The following TANC1 variants were observed in gnomAD, a reference collection of about 807,000 sequenced individuals.
The protein encoded by TANC1 is tetratricopeptide repeat, ankyrin repeat and coiled-coil containing 1.
In TANC1, 77 loss-of-function variants were observed where a neutral mutation model predicts 149.7. The ratio of observed to expected loss-of-function variants is 0.51; its 90% CI spans 0.43 to 0.62. The LOEUF (loss-of-function observed/expected upper bound fraction) is 0.62. TANC1 is among the 20% of genes least tolerant of loss of function. The probability of loss-of-function intolerance (pLI) is 0.00; values close to 1 mark genes in which losing one functional copy is unlikely to be tolerated. For missense variants in TANC1, 1,985 were observed against 2,321.8 expected (o/e 0.85, Z 2.98); for synonymous variants, 854 against 925.0 (o/e 0.92, Z 1.39).
chr2:159,176,613 G>C (rs1437790675), intron 13 of TANC1, 95 bp downstream of exon 13: 1 of 965,674 alleles, frequency 1.0e-6, no homozygotes, highest in Non-Finnish European at 1.5e-6. Flanking sequence ...CCATTCAGCT[G>C]CTTGAATTGG....
At chr2:159,031,761 T>C (rs1188713043) in intron 2 of TANC1, among the ~76,000 whole-genome samples, 3 of 152,180 alleles carry the variant, frequency 2.0e-5, no homozygotes, top group Admixed American at 6.5e-5. Flanking sequence ...ATTAAAGATA[T>C]GTGAGGTGAG....
intron 3 of TANC1, among the ~76,000 whole-genome samples, chr2:159,087,469 T>G (rs1459647212): frequency 0.052 from 66 of 1,258 alleles, no homozygotes; most frequent in Non-Finnish European, 0.22. Context: ...GTTTTTCCGT[T>G]TTTTTTTTTT....
intron 3 of TANC1, among the ~76,000 whole-genome samples, chr2:159,080,556 A>G (rs2044165564): frequency 6.6e-6 from 1 of 152,194 alleles, no homozygotes; most frequent in Admixed American, 6.5e-5. Flanking sequence ...TATACCTGGT[A>G]TATTTCCTAT....
At chr2:159,035,330 AATAAGT>A (rs2040101272) in intron 2 of TANC1, among the ~76,000 whole-genome samples, 1 of 152,212 alleles carries the variant, frequency 6.6e-6, no homozygotes, top group African/African-American at 2.4e-5. Context: ...AAATTCCCAC[AATAAGT>A]ATATTTTGTC....
chr2:159,038,184 GATTTTTGCCC>G (rs1292312694), intron 2 of TANC1, among the ~76,000 whole-genome samples: 3 of 152,140 alleles, frequency 2.0e-5, no homozygotes, highest in African/African-American at 7.2e-5. Flanking sequence ...GAATGCTTGT[GATTTTTGCCC>G]ATTGATTTTG....
chr2:159,000,603 G>C (rs2036537778), intron 1 of TANC1, among the ~76,000 whole-genome samples: 1 of 152,024 alleles, frequency 6.6e-6, no homozygotes, highest in African/African-American at 2.4e-5. Context: ...CTAAAGAGGA[G>C]GGTTGCAGAA....
chr2:159,155,217 T>C (rs2053293477), intron 7 of TANC1, among the ~76,000 whole-genome samples: 1 of 152,198 alleles, frequency 6.6e-6, no homozygotes, highest in African/African-American at 2.4e-5. Context: ...TTTCTGCATT[T>C]AGGAAGAAAG....
chr2:159,003,689 G>C (rs1005085439), intron 2 of TANC1, among the ~76,000 whole-genome samples: 1 of 152,224 alleles, frequency 6.6e-6, no homozygotes, highest in Non-Finnish European at 1.5e-5. Context: ...AGGCTGCCTC[G>C]GAGAGGGAGA....
chr2:159,204,327 T>C (rs1474097314), intron 19 of TANC1, among the ~76,000 whole-genome samples: 1 of 152,240 alleles, frequency 6.6e-6, no homozygotes, highest in African/African-American at 2.4e-5. Context: ...GATTTCTTGG[T>C]GTCCTAGCTC....
At chr2:159,031,336 A>AACAAC (rs1253084453) in intron 2 of TANC1, among the ~76,000 whole-genome samples, 1 of 152,212 alleles carries the variant, frequency 6.6e-6, no homozygotes, top group African/African-American at 2.4e-5. Context: ...GGACACTGAA[A>AACAAC]ACAACAGGCC....
At chr2:159,068,992 C>T (rs761138855) in intron 3 of TANC1, among the ~76,000 whole-genome samples, 8 of 152,176 alleles carry the variant, frequency 5.3e-5, no homozygotes, top group South Asian at 2.1e-4. Flanking sequence ...CCACTCGCCT[C>T]GGCCTCGCAA....
chr2:159,209,705 T>A (rs1050657103), intron 19 of TANC1, among the ~76,000 whole-genome samples: 3 of 152,222 alleles, frequency 2.0e-5, no homozygotes, highest in Non-Finnish European at 2.9e-5. Flanking sequence ...CCTCATTACA[T>A]TTTACCATTG....
intron 7 of TANC1, among the ~76,000 whole-genome samples, chr2:159,150,951 T>C (rs1034674553): frequency 1.3e-5 from 2 of 152,148 alleles, no homozygotes; most frequent in Admixed American, 6.5e-5. Context: ...GGTCACTTAT[T>C]TTCCTGATGA....
intron 2 of TANC1, among the ~76,000 whole-genome samples, chr2:159,059,848 G>A (rs1328647033): frequency 6.8e-6 from 1 of 147,014 alleles, no homozygotes; most frequent in Admixed American, 6.8e-5. Flanking sequence ...TTTTCCATGA[G>A]TTTCTAGATA....
chr2:159,122,391 ACTATTATCAT>A (rs1323505869), intron 4 of TANC1, among the ~76,000 whole-genome samples: 4 of 152,206 alleles, frequency 2.6e-5, no homozygotes, highest in Admixed American at 1.3e-4. Flanking sequence ...ACTGGGTATC[ACTATTATCAT>A]TGAAGTGGCC....
At chr2:159,224,119 A>G in intron 22 of TANC1, 113 bp from the exon 23 acceptor site, 1 of 1,237,488 alleles carries the variant, frequency 8.1e-7, no homozygotes, top group East Asian at 2.3e-5. Flanking sequence ...AGGATCCTTA[A>G]TAGGCAGAGG....
chr2:159,082,050 C>T lies in TANC1; in HGVS notation c.62-15587C>T, dbSNP rs2044327286. Among the ~76,000 whole-genome samples, 5 of 152,256 alleles carry T rather than the reference C, an allele frequency of 3.3e-5. No homozygotes were observed. The South Asian group carries it at 6.2e-4, about 19-fold the overall frequency. ...TGCTGCCCAGCCCTGCCCTGCCCAG[C>T]CAAGCCATACCCTGCTCTGCCCCAT... On this transcript the variant is annotated intron_variant, in intron 3 of 26. Coordinates refer to ENST00000263635, the MANE Select transcript of TANC1 (RefSeq NM_033394.3).
chr2:159,067,258 T>C (rs2042752786), intron 3 of TANC1, among the ~76,000 whole-genome samples: 1 of 152,226 alleles, frequency 6.6e-6, no homozygotes, highest in African/African-American at 2.4e-5. Context: ...TTATTTTTAT[T>C]GCTAATTATC....
chr2:159,196,531 C>A, intron 17 of TANC1, 77 bp from the exon 18 acceptor site: 1 of 1,321,180 alleles, frequency 7.6e-7, no homozygotes, highest in Non-Finnish European at 1.0e-6. Flanking sequence ...GGGGTTTGCA[C>A]ACAGCTAGGT....
Sources: gnomAD v4.1 joint callset for allele counts (sites outside exome capture counted in the v4.1 genomes callset) on GRCh38, gnomAD v4.1.1 for gene constraint, MANE v1.5 for transcripts, NCBI Gene and HGNC (gene_info 2026-07-23, HGNC 2026-07-21) for gene names.